The following NEK5 variants were observed in gnomAD, a reference collection of about 807,000 sequenced individuals.
NEK5 encodes the protein NIMA related kinase 5, also known as serine/threonine-protein kinase Nek5.
NEK5 carries 88 observed loss-of-function variants against 109.2 expected under a neutral mutation model. The ratio of observed to expected loss-of-function variants is 0.81; its 90% CI spans 0.68 to 0.96. The LOEUF is 0.96. Among genes scored for constraint, NEK5 ranks in the 40% least tolerant of loss-of-function variants. The pLI is 0.00. For missense variants in NEK5, 834 were observed against 920.7 expected (o/e 0.91, Z 1.22); for synonymous variants, 283 against 299.9 (o/e 0.94, Z 0.58).
chr13:52,111,950 T>C (rs1955766881), intron 5 of NEK5, among the ~76,000 whole-genome samples: 1 of 152,174 alleles, frequency 6.6e-6, no homozygotes, highest in Non-Finnish European at 1.5e-5. Flanking sequence ...ACATGTTAAA[T>C]GGCTAAGGAA....
intron 22 of NEK5, among the ~76,000 whole-genome samples, chr13:52,055,522 G>C (rs986157648): frequency 2.4e-4 from 36 of 152,086 alleles, no homozygotes; most frequent in Non-Finnish European, 4.9e-4. Flanking sequence ...TTGAAATGAA[G>C]GAAAAAATGT....
chr13:52,065,600 G>C lies in NEK5; in HGVS notation c.1859C>G (p.Thr620Arg), dbSNP rs139117802. ...KLHCPEAGFS[T>R]QTVAAVGNRR... The stretch of plus-strand genomic sequence containing the variant: ...GTTTCCCACAGCAGCTACAGTCTGC[G>C]TGGAAAACCCTGGGTGTAAGAAAAC... Residue 620 changes from threonine to arginine, a missense_variant, in exon 21 of 24, where the codon ACG becomes AGG. Coordinates refer to ENST00000684899, the MANE Select transcript of NEK5 (RefSeq NM_001365552.1). 6.2e-7 allele frequency: 1 copy of C among 1,612,606 alleles called. No individual in the cohort carries two copies.
chr13:52,081,199 T>C (rs1007037791), intron 17 of NEK5, among the ~76,000 whole-genome samples: 10 of 152,212 alleles, frequency 6.6e-5, no homozygotes, highest in Non-Finnish European at 1.2e-4. Context: ...GAGACTTTTT[T>C]AAAGTGTCTT....
chr13:52,053,669 G>A (rs1283038723), intron 22 of NEK5, among the ~76,000 whole-genome samples: 1 of 152,120 alleles, frequency 6.6e-6, no homozygotes, highest in South Asian at 2.1e-4. Context: ...AGCCCGAGAT[G>A]GTACCAGCCC....
intron 23 of NEK5, among the ~76,000 whole-genome samples, chr13:52,047,160 G>A (rs1309566454): frequency 6.6e-6 from 1 of 151,116 alleles, no homozygotes; most frequent in Non-Finnish European, 1.5e-5. Flanking sequence ...TGTAACCTCT[G>A]TGAAGGACAA....
intron 3 of NEK5, among the ~76,000 whole-genome samples, chr13:52,126,571 A>C (rs1594012290): frequency 6.6e-6 from 1 of 152,346 alleles, no homozygotes; most frequent in East Asian, 1.9e-4. Context: ...TGAGCTCAGG[A>C]GTTCAAGACC....
At chr13:52,122,311 A>G (rs1955985900) in intron 3 of NEK5, among the ~76,000 whole-genome samples, 1 of 152,168 alleles carries the variant, frequency 6.6e-6, no homozygotes, top group South Asian at 2.1e-4. Flanking sequence ...ATAATAAAAC[A>G]CCCAGGATGG....
At chr13:52,112,785 A>G (rs1714988357) in intron 4 of NEK5, among the ~76,000 whole-genome samples, 1 of 152,218 alleles carries the variant, frequency 6.6e-6, no homozygotes, top group Non-Finnish European at 1.5e-5. Context: ...CCATATTTAT[A>G]TGGCACTTAT....
intron 13 of NEK5, 38 bp from the exon 14 acceptor site, chr13:52,089,351 G>C: frequency 1.5e-6 from 2 of 1,362,132 alleles, no homozygotes; most frequent in Non-Finnish European, 1.0e-6. Flanking sequence ...GTAGAAACTT[G>C]AACAAATCTT....
intron 17 of NEK5, among the ~76,000 whole-genome samples, chr13:52,076,592 G>A (rs1161344858): frequency 6.6e-6 from 1 of 152,228 alleles, no homozygotes; most frequent in Admixed American, 6.5e-5. Context: ...CAACTGAGAT[G>A]TGAACTCCAT....
intron 3 of NEK5, among the ~76,000 whole-genome samples, chr13:52,119,654 TA>T (rs1302704761): frequency 6.6e-6 from 1 of 152,224 alleles, no homozygotes; most frequent in African/African-American, 2.4e-5. Flanking sequence ...AGTTTTGCTA[TA>T]TTAAAAGTTG....
chr13:52,087,433 C>T lies in NEK5; in HGVS notation c.1297G>A (p.Glu433Lys), dbSNP rs1029726697. 5.6e-6 allele frequency: 9 copies of T among 1,603,548 alleles called. No individual in the cohort carries two copies. Among genetic ancestry groups the T allele is most frequent in the African/African-American group, 2.7e-5 (2 of 74,684 alleles). ...KQLGLRPSSA[E>K]PNYNQRQELR... ...TCTTGTCTCTGGTTGTAATTTGGCT[C>T]GGCAGAAGATGGACGAAGACCCTAT... The change falls in exon 15 of 24, where the codon GAG (glutamate) becomes AAG (lysine). Residue 433 changes from glutamate to lysine, a missense_variant. Physicochemically the swap from Glu to Lys is moderately conservative, Grantham distance 56. This residue lies in a region of NEK5 where 777 missense variants were observed against 824.7 expected (regional missense o/e 0.94). Transcript: ENST00000684899.
intron 9 of NEK5, among the ~76,000 whole-genome samples, chr13:52,103,360 G>A (rs1352924452): frequency 1.3e-5 from 2 of 152,222 alleles, no homozygotes; most frequent in African/African-American, 4.8e-5. Context: ...GTACCCAGGA[G>A]TCAGAGGTTG....
chr13:52,069,712 C>G (rs930234799), intron 20 of NEK5, among the ~76,000 whole-genome samples: 3 of 152,186 alleles, frequency 2.0e-5, no homozygotes, highest in African/African-American at 7.2e-5. Context: ...TCAGTTCCCA[C>G]ACTCAGTATC....
chr13:52,075,793 A>G lies in NEK5; in HGVS notation c.1687T>C (p.Cys563Arg). ...TGGAGGATGTTTTCATCAGAAATAC[A>G]TTTGTCTAAATTAATTTCAAATTTT... ...GVKFEINLDK[C>R]ISDENILQEE... is the part of the protein sequence containing the mutation. Residue 563 changes from cysteine to arginine, a missense_variant, in exon 19 of 24, where the codon TGT (cysteine) becomes CGT (arginine). Cys to Arg is a radical substitution (Grantham distance 180, BLOSUM62 -3). Transcript: ENST00000684899. 1.9e-6 allele frequency: 3 copies of G among 1,567,800 alleles called. No individual in the cohort carries two copies. The highest frequency in any genetic ancestry group is 2.3e-5 in the East Asian group (1 of 44,346).
chr13:52,101,741 C>CATGA (rs1317589085), intron 11 of NEK5, among the ~76,000 whole-genome samples, 192 bp downstream of exon 11: 1 of 152,180 alleles, frequency 6.6e-6, no homozygotes, highest in East Asian at 1.9e-4. Flanking sequence ...GCAGGTCATG[C>CATGA]ATGAGCTAGA....
chr13:52,064,470 G>A lies in NEK5; in HGVS notation c.1975+1014C>T, dbSNP rs1425706382. On this transcript the variant is annotated intron_variant, in intron 21 of 23. Coordinates refer to ENST00000684899, the MANE Select transcript of NEK5 (RefSeq NM_001365552.1). The stretch of plus-strand genomic sequence containing the variant: ...GGTGGGGGGGGTCAGCCCCCCGCCC[G>A]GCCAGCCGCCCCGTCTGGGAGGGAG... Among the ~76,000 whole-genome samples the A allele has an allele frequency of 3.4e-4, 50 of 146,470 alleles. No individual in the cohort carries two copies. The East Asian group carries it at 5.5e-3, about 16-fold the overall frequency.
intron 17 of NEK5, among the ~76,000 whole-genome samples, chr13:52,077,104 C>G (rs1234804938): frequency 6.6e-6 from 1 of 152,174 alleles, no homozygotes; most frequent in Non-Finnish European, 1.5e-5. Flanking sequence ...ATATGCCAGT[C>G]TGGGGAGAGC....
rs1955333747 is a variant in NEK5, at chr13:52,093,253, G to A, written c.1027-18C>T. 6.3e-7 allele frequency: 1 copy of A among 1,597,420 alleles called. No individual in the cohort carries two copies. Among genetic ancestry groups the A allele is most frequent in the Middle Eastern group, 1.7e-4 (1 of 5,986 alleles). ...ATTTTTATCTGAAGAAAACAAGAGG[G>A]GATGTTTTTAAAAACCATAATACAG... On this transcript the variant is annotated intron_variant, in intron 12 of 23. Transcript: ENST00000684899.
Sources: allele counts gnomAD v4.1 joint callset (sites outside exome capture counted in the v4.1 genomes callset), GRCh38; gene constraint gnomAD v4.1.1; regional missense constraint gnomAD v4.1.1; transcripts MANE v1.5; gene names NCBI Gene and HGNC (gene_info 2026-07-23, HGNC 2026-07-21).